ZNF444: variants seen among roughly 807,000 people sequenced by gnomAD.
ZNF444 encodes the protein zinc finger protein 444, also known as endothelial zinc finger protein 2.
In ZNF444, 8 loss-of-function variants were observed where a neutral mutation model predicts 14.4. The observed-to-expected ratio is 0.56, with a 90% confidence interval of 0.33 to 1.00. The LOEUF (loss-of-function observed/expected upper bound fraction) is 1.00. Among genes scored for constraint, ZNF444 ranks in the 50% least tolerant of loss-of-function variants. ZNF444 has a pLI of 0.03. For synonymous variants in ZNF444, 258 were observed against 235.9 expected (o/e 1.09, Z -0.86); for missense variants, 510 against 504.8 (o/e 1.01, Z -0.10).
At chr19:56,139,204 C>T (rs2030682057), upstream of ZNF444, among the ~76,000 whole-genome samples, 1 of 151,872 alleles carries the variant, frequency 6.6e-6, no homozygotes, top group Admixed American at 6.6e-5. Flanking sequence ...CCCTTTGGCG[C>T]TGTGTGGAGC....
At chr19:56,134,828 T>C (rs1599980301) in intron 1 of ZNF444, among the ~76,000 whole-genome samples, 1 of 148,730 alleles carries the variant, frequency 6.7e-6, no homozygotes. Flanking sequence ...AAAAAAAAAG[T>C]ATTAAGAATT....
chr19:56,134,599 A>G (rs2637092), intron 1 of ZNF444, among the ~76,000 whole-genome samples: 6 of 152,058 alleles, frequency 3.9e-5, no homozygotes, highest in Non-Finnish European at 8.8e-5. Flanking sequence ...ACGTCTGATC[A>G]CAGAGTATTA....
rs274183 is a variant in ZNF444 at position 56,144,521 on chromosome 19, T to G, written c.-196-1726T>G. On this transcript the variant is annotated intron_variant, in intron 1 of 4. Coordinates refer to ENST00000337080, the MANE Select transcript of ZNF444 (RefSeq NM_018337.4). This position sits in a 1 kb window ranked among gnomAD's most constrained non-coding sequence, Gnocchi z 4.0. Reference sequence around the variant, plus strand: ...AAAAGTTTTTGTGATCACTGTGGAGTGATTTGGCTCTAGGTGGCGAGAGTA... The same window carrying G: ...AAAAGTTTTTGTGATCACTGTGGAGGGATTTGGCTCTAGGTGGCGAGAGTA... Among the ~76,000 whole-genome samples, 176 of 152,072 alleles carry G rather than the reference T, an allele frequency of 1.2e-3. No individual in the cohort carries two copies. Among genetic ancestry groups the G allele is most frequent in the Non-Finnish European group, 2.3e-3 (157 of 68,008 alleles).
In ZNF444 at chr19:56,144,616, A is replaced by C. The variant is rs1568550597; in HGVS notation, c.-196-1631A>C. ...GTTTGTGGTTAGTGACATGGCGGTC[A>C]GGAGCCCAGGCTTTGGTTGTATCAG... On this transcript the variant is annotated intron_variant, in intron 1 of 4. Coordinates refer to ENST00000337080, the MANE Select transcript of ZNF444 (RefSeq NM_018337.4). This position sits in a 1 kb window ranked among gnomAD's most constrained non-coding sequence, Gnocchi z 4.0. Among the ~76,000 whole-genome samples, 1 of 152,208 alleles carries C rather than the reference A, an allele frequency of 6.6e-6. No homozygotes were observed. Among genetic ancestry groups the C allele is most frequent in the African/African-American group, 2.4e-5 (1 of 41,458 alleles).
rs1482993509 is a variant in ZNF444, at chr19:56,145,017, C to T, written c.-196-1230C>T. Among the ~76,000 whole-genome samples, 1 of 152,234 alleles carries T rather than the reference C, an allele frequency of 6.6e-6. No homozygotes were observed. The highest frequency in any genetic ancestry group is 1.5e-5 in the Non-Finnish European group (1 of 68,046). On this transcript the variant is annotated intron_variant, in intron 1 of 4. Coordinates refer to ENST00000337080, the MANE Select transcript of ZNF444 (RefSeq NM_018337.4). This position sits in a 1 kb window ranked among gnomAD's most constrained non-coding sequence, Gnocchi z 4.3. Reference sequence around the variant, plus strand: ...ACAGGCCACCCAGGCCCTGTCACAGCCACTCGGTAGCTCCAAGGCGGCCGT... The same window carrying T: ...ACAGGCCACCCAGGCCCTGTCACAGTCACTCGGTAGCTCCAAGGCGGCCGT...
rs746568666 is a variant in ZNF444, at chr19:56,159,738, C to T, written c.521C>T (p.Ala174Val). The T allele has an allele frequency of 1.9e-6, 3 of 1,581,852 alleles. No homozygotes were observed. The African/African-American group carries it at 4.0e-5, about 21-fold the overall frequency. ...PLAPGLPAFL[A>V]APGTTSCPEC... ...GCGCCTGGCCTGCCCGCCTTCCTAG[C>T]GGCCCCGGGCACCACGTCCTGCCCC... The change falls in exon 5 of 5, where the codon GCG becomes GTG. Residue 174 changes from alanine to valine, a missense_variant. Ala to Val is a moderately conservative substitution (Grantham distance 64, BLOSUM62 0). Coordinates refer to ENST00000337080, the MANE Select transcript of ZNF444 (RefSeq NM_018337.4).
At chr19:56,137,510 T>C (rs2030639093), upstream of ZNF444, among the ~76,000 whole-genome samples, 1 of 149,102 alleles carries the variant, frequency 6.7e-6, no homozygotes, top group South Asian at 2.1e-4. Context: ...GGCCAATGAG[T>C]TGAAACATAG....
Position 56,147,188 on chromosome 19 carries a change from G to C in ZNF444, c.277G>C (p.Ala93Pro). The C allele has an allele frequency of 6.8e-7, 1 of 1,459,920 alleles. No homozygotes were observed. The highest frequency in any genetic ancestry group is 9.0e-7 in the Non-Finnish European group (1 of 1,111,174). The allele number at this position is 1,459,920 out of a possible 1,614,324, so 90.4% of individuals were successfully genotyped here. A position where few individuals can be genotyped will look rare whatever the true frequency, so the allele number is the denominator to read the frequency against. ...RQPQSGEEAV[A>P]LLEELWGPAA... ...GCCGCAGAGCGGGGAGGAGGCGGTGGCCCTGCTGGAGGAGCTCTGGGTGAG... is the reference window on the plus strand; with the variant it reads ...GCCGCAGAGCGGGGAGGAGGCGGTGCCCCTGCTGGAGGAGCTCTGGGTGAG... The change falls in exon 3 of 5, where the codon GCC becomes CCC. Residue 93 changes from alanine to proline, a missense_variant. Coordinates refer to ENST00000337080, the MANE Select transcript of ZNF444 (RefSeq NM_018337.4). This position sits in a 1 kb window ranked among gnomAD's most constrained non-coding sequence, Gnocchi z 5.9.
At chr19:56,159,102 A>C (rs2032096409) in intron 4 of ZNF444, among the ~76,000 whole-genome samples, 2 of 151,214 alleles carry the variant, frequency 1.3e-5, no homozygotes, top group Non-Finnish European at 1.5e-5. Flanking sequence ...TGCATTCATC[A>C]TCTACCCATC....
intron 1 of ZNF444, among the ~76,000 whole-genome samples, chr19:56,134,175 T>TC (rs372102718): frequency 1.2e-3 from 187 of 152,108 alleles, no homozygotes; most frequent in African/African-American, 4.3e-3. Flanking sequence ...CCAAACCCCA[T>TC]CCCTGCCCTG....
At chr19:56,146,867 T>C in intron 2 of ZNF444, 23 bp from the exon 3 acceptor site, 1 of 1,346,366 alleles carries the variant, frequency 7.4e-7, no homozygotes, top group Non-Finnish European at 9.5e-7. Context: ...CGGGCAGGGG[T>C]CTCACCGGCT....
chr19:56,158,432 G>GA, intron 3 of ZNF444, 62 bp from the exon 4 acceptor site: 1 of 1,457,302 alleles, frequency 6.9e-7, no homozygotes, highest in Admixed American at 2.1e-5. Context: ...CGGTGGTTGG[G>GA]AGAGGGAGAA....
At chr19:56,156,952 C>T (rs1248730575) in intron 3 of ZNF444, 1 of 152,388 alleles carries the variant, frequency 6.6e-6, no homozygotes, top group African/African-American at 2.4e-5. Flanking sequence ...TCAGGCTTTT[C>T]TGTGCCCAAG....
chr19:56,152,781 A>AG (rs1367132311), intron 3 of ZNF444, among the ~76,000 whole-genome samples: 5 of 152,166 alleles, frequency 3.3e-5, no homozygotes, highest in South Asian at 4.2e-4. Flanking sequence ...ACAGGGCAGA[A>AG]GGGGTGAAGG....
intron 4 of ZNF444, among the ~76,000 whole-genome samples, chr19:56,159,273 T>C (rs1369532307): frequency 2.0e-5 from 3 of 151,172 alleles, no homozygotes; most frequent in East Asian, 2.0e-4. Flanking sequence ...CATCCACCCC[T>C]CATCCACCCA....
In ZNF444 at chr19:56,145,370, G is replaced by C. The variant is rs542176121; in HGVS notation, c.-196-877G>C. ...GGAGGCCAAGGCAGGTGGATCACCT[G>C]AGGTCAGGAGTTTGAGACCAGTCTG... On this transcript the variant is annotated intron_variant, in intron 1 of 4. Transcript: ENST00000337080. This position sits in a 1 kb window ranked among gnomAD's most constrained non-coding sequence, Gnocchi z 4.3. Among the ~76,000 whole-genome samples the C allele has an allele frequency of 9.1e-4, 139 of 152,360 alleles. 2 individuals are homozygous for C. The highest frequency in any genetic ancestry group is 1.2e-3 in the Non-Finnish European group (80 of 68,036).
chr19:56,136,101 A>AAAAAG (rs71184324), intron 1 of ZNF444, among the ~76,000 whole-genome samples: 1 of 146,062 alleles, frequency 6.8e-6, no homozygotes, highest in Admixed American at 6.8e-5. Flanking sequence ...AAAAAAAAAA[A>AAAAAG]GCTAAAAAAA....
chr19:56,160,232 T>G lies in ZNF444; in HGVS notation c.*31T>G. 1 of 1,405,754 alleles carries G rather than the reference T, an allele frequency of 7.1e-7. No homozygotes were observed. Among genetic ancestry groups the G allele is most frequent in the Non-Finnish European group, 9.2e-7 (1 of 1,090,800 alleles). 87.1% of individuals were successfully genotyped at this position (1,405,754 alleles called of 1,614,324 possible). ...TCCCGGCCAGCGCCATCTCCCGCCC[T>G]TGGTGCTGCCCCCGGGCGGTACCTG... On this transcript the variant is annotated 3_prime_UTR_variant, in exon 5 of 5. Transcript: ENST00000337080.
At chr19:56,143,330 CAG>C (rs1339082354) in intron 1 of ZNF444, 1 of 152,258 alleles carries the variant, frequency 6.6e-6, no homozygotes, top group Non-Finnish European at 1.5e-5. Context: ...AGATTGCAAA[CAG>C]GGTCAGCTTG....
Sources: gnomAD v4.1 joint callset for allele counts (sites outside exome capture counted in the v4.1 genomes callset) on GRCh38, gnomAD v4.1.1 for gene constraint, Gnocchi (gnomAD v3.1) non-coding constraint, MANE v1.5 for transcripts, NCBI Gene and HGNC (gene_info 2026-07-23, HGNC 2026-07-21) for gene names.